THOP1: variants seen among roughly 807,000 people sequenced by gnomAD.
The protein encoded by THOP1 is thimet oligopeptidase.
A neutral mutation model predicts 71.8 loss-of-function variants in THOP1; 49 were observed. That is an observed-to-expected ratio of 0.68 (90% CI 0.54 to 0.87). The LOEUF (loss-of-function observed/expected upper bound fraction) is 0.87. Among genes scored for constraint, THOP1 ranks in the 40% least tolerant of loss-of-function variants. THOP1 has a pLI of 0.00. For missense variants in THOP1, 843 were observed against 975.6 expected, an observed-to-expected ratio of 0.86 and a Z score of 1.81; for synonymous variants, 426 against 421.5, an observed-to-expected ratio of 1.01 and a Z score of -0.13.
Position 2,805,780 on chromosome 19 carries a change from C to G in THOP1, c.750+604C>G, listed in dbSNP as rs999245549. On this transcript the variant is annotated intron_variant, in intron 6 of 12. Transcript: ENST00000307741. This position sits in a 1 kb window ranked among gnomAD's most constrained non-coding sequence, Gnocchi z 6.6. ...GCGGCTGGCAAAAGGGGGATACACG[C>G]TGATCACTGCAAAGGGATGGGCGGG... Among the ~76,000 whole-genome samples the G allele has an allele frequency of 4.6e-5, 7 of 152,012 alleles. No homozygotes were observed. The highest frequency in any genetic ancestry group is 1.7e-4 in the African/African-American group (7 of 41,382).
intron 5 of THOP1, among the ~76,000 whole-genome samples, chr19:2,802,024 C>T (rs947294955): frequency 4.0e-5 from 6 of 151,648 alleles, no homozygotes; most frequent in Non-Finnish European, 8.8e-5. Flanking sequence ...CCACATCTCC[C>T]GATACCGCTA....
chr19:2,788,427 A>G (rs1006566164), intron 1 of THOP1, among the ~76,000 whole-genome samples: 1 of 151,398 alleles, frequency 6.6e-6, no homozygotes, highest in Non-Finnish European at 1.5e-5. Context: ...TGCACTCAGG[A>G]TTGAAGTTCA....
chr19:2,806,949 G>A lies in THOP1; in HGVS notation c.783G>A (p.Thr261=), dbSNP rs200372786. 6.2e-6 allele frequency: 10 copies of A among 1,612,888 alleles called. No individual in the cohort carries two copies. In the Admixed American group the frequency reaches 1.0e-4, roughly 16 times the overall value. The part of the protein sequence containing the change: ...ENCAILKELV[T]LRAQKSRLLG... ...GCGCTATCCTCAAGGAGCTGGTGAC[G>A]CTGCGGGCCCAGAAGTCCCGCCTGC... Residue 261 remains threonine, a synonymous_variant, in exon 7 of 13, where the codon ACG becomes ACA. Coordinates refer to ENST00000307741, the MANE Select transcript of THOP1 (RefSeq NM_003249.5).
rs11557136 is a variant in THOP1 at position 2,813,458 on chromosome 19, C to G, written c.*182C>G. The G allele has an allele frequency of 2.7e-6, 2 of 740,820 alleles. No individual in the cohort carries two copies. Among genetic ancestry groups the G allele is most frequent in the East Asian group, 5.6e-5 (2 of 36,002 alleles). The allele number at this position is 740,820 out of a possible 1,614,324, so 45.9% of individuals were successfully genotyped here. ...TCGTGGCCCACCCGGCTAGAGACGG[C>G]GTCCTCAAGGCATCTGGAGGGCTTT... On this transcript the variant is annotated 3_prime_UTR_variant, in exon 13 of 13. Transcript: ENST00000307741.
intron 8 of THOP1, 183 bp downstream of exon 8, chr19:2,807,991 G>A (rs1368994297): frequency 1.2e-6 from 1 of 823,742 alleles, no homozygotes; most frequent in East Asian, 2.9e-5. Context: ...CCCGTTTCCA[G>A]TCTCACTCAG....
chr19:2,787,905 G>C (rs1011572593), intron 1 of THOP1, among the ~76,000 whole-genome samples: 3 of 152,196 alleles, frequency 2.0e-5, no homozygotes, highest in Non-Finnish European at 4.4e-5. Flanking sequence ...AGACACCCTG[G>C]TGCGTATTCC....
rs747410589 is a variant in THOP1, at chr19:2,810,361, T to C, written c.1513T>C (p.Ser505Pro). Residue 505 changes from serine to proline, a missense_variant, in exon 10 of 13, where the codon TCG becomes CCG. By Grantham distance (74) the Ser-to-Pro change is moderately conservative (BLOSUM62 -1). Coordinates refer to ENST00000307741, the MANE Select transcript of THOP1 (RefSeq NM_003249.5). ...HVERDFVEAP[S>P]QMLENWVWEQ... ...GGAGCGGGACTTTGTGGAGGCGCCGTCGCAGATGCTGGAGAACTGGGTGTG... is the reference window on the plus strand; with the variant it reads ...GGAGCGGGACTTTGTGGAGGCGCCGCCGCAGATGCTGGAGAACTGGGTGTG... 6.2e-7 allele frequency: 1 copy of C among 1,611,702 alleles called. No individual in the cohort carries two copies. Among genetic ancestry groups the C allele is most frequent in the Non-Finnish European group, 8.5e-7 (1 of 1,179,740 alleles).
In THOP1 at chr19:2,805,678, C is replaced by T. The variant is rs1487904402; in HGVS notation, c.750+502C>T. Among the ~76,000 whole-genome samples the T allele has an allele frequency of 6.6e-6, 1 of 152,108 alleles. No homozygotes were observed. The highest frequency in any genetic ancestry group is 6.6e-5 in the Admixed American group (1 of 15,262). ...CGGTCAGGTGGTCTCTGCACGTCTC[C>T]CATTCGCCATCTGGAACAGGCAGAG... On this transcript the variant is annotated intron_variant, in intron 6 of 12. Transcript: ENST00000307741. The surrounding 1 kb of genome is among the most constrained non-coding windows in gnomAD (Gnocchi z 6.6).
At chr19:2,790,782 G>C (rs554533400) in intron 2 of THOP1, 149 bp downstream of exon 2, 5 of 677,828 alleles carry the variant, frequency 7.4e-6, no homozygotes, top group Non-Finnish European at 1.1e-5. Context: ...AGCGCCACCT[G>C]CTCCCAGGCT....
At chr19:2,789,432 AGAGAGGCCCT>A (rs373060087) in intron 1 of THOP1, among the ~76,000 whole-genome samples, 1 of 152,268 alleles carries the variant, frequency 6.6e-6, no homozygotes, top group East Asian at 1.9e-4. Flanking sequence ...CCCGTTTCTC[AGAGAGGCCCT>A]GGTGTGAGTG....
At chr19:2,799,639 G>T (rs572046744) in intron 4 of THOP1, 50 bp from the exon 5 acceptor site, 1 of 1,498,982 alleles carries the variant, frequency 6.7e-7, no homozygotes, top group African/African-American at 1.4e-5. Flanking sequence ...GTCTCCCCGC[G>T]GAGCCCGCCC....
Position 2,805,819 on chromosome 19 carries a change from A to G in THOP1, c.750+643A>G, listed in dbSNP as rs1254859722. The stretch of plus-strand genomic sequence containing the variant: ...GGGATGGGCGGGCACTGATCACTGC[A>G]AGGGGACGGGCGGGTGCCCATCACT... On this transcript the variant is annotated intron_variant, in intron 6 of 12. Coordinates refer to ENST00000307741, the MANE Select transcript of THOP1 (RefSeq NM_003249.5). The surrounding 1 kb of genome is among the most constrained non-coding windows in gnomAD (Gnocchi z 6.6). Among the ~76,000 whole-genome samples, 2 of 150,566 alleles carry G rather than the reference A, an allele frequency of 1.3e-5. No individual in the cohort carries two copies. Among genetic ancestry groups the G allele is most frequent in the African/African-American group, 4.9e-5 (2 of 40,926 alleles).
At position 2,790,593 on chromosome 19, in the gene THOP1, C is replaced by T. The variant is rs1456072368; in HGVS notation, c.189C>T (p.Ser63=). ...AGTTTGAGGACGTGTCCTACGAGAG[C>T]ACGCTCAAGGCGCTGGCCGATGTGG... The part of the protein sequence containing the change: ...TQEFEDVSYE[S]TLKALADVEV... Residue 63 remains serine, a synonymous_variant, in exon 2 of 13, where the codon AGC becomes AGT. Transcript: ENST00000307741. The T allele has an allele frequency of 1.4e-5, 23 of 1,597,648 alleles. No homozygotes were observed. The Admixed American group carries it at 2.4e-4, about 17-fold the overall frequency.
chr19:2,804,938 C>A lies in THOP1; in HGVS notation c.590-78C>A. On this transcript the variant is annotated intron_variant, in intron 5 of 12. Transcript: ENST00000307741. This position sits in a 1 kb window ranked among gnomAD's most constrained non-coding sequence, Gnocchi z 4.7. ...TAGCTTTCCAGGCAGAGGGGAAGCC[C>A]ACCCCTTCCCTCACACGCTGTGTGC... 1 of 1,419,622 alleles carries A rather than the reference C, an allele frequency of 7.0e-7. No homozygotes were observed. 87.9% of individuals were successfully genotyped at this position (1,419,622 alleles called of 1,614,324 possible). A position where few individuals can be genotyped will look rare whatever the true frequency, so the allele number is the denominator to read the frequency against.
rs1916587403 is a variant in THOP1 at position 2,815,742 on chromosome 19, C to CT, written c.*2467dup. On this transcript the variant is annotated 3_prime_UTR_variant, in exon 13 of 13. Coordinates refer to ENST00000307741, the MANE Select transcript of THOP1 (RefSeq NM_003249.5). ...TCCCCTGCCCGTCCAGGTTGTCACT[C>CT]TCCTTGGCCCCTTGCTGCTCCCCAG... is the stretch of plus-strand genomic sequence containing the variant. 1 of 152,192 alleles carries CT rather than the reference C, an allele frequency of 6.6e-6. No individual in the cohort carries two copies. Among genetic ancestry groups the CT allele is most frequent in the African/African-American group, 2.4e-5 (1 of 41,422 alleles). The allele number at this position is 152,192 out of a possible 1,614,324, so 9.4% of individuals were successfully genotyped here.
Position 2,801,287 on chromosome 19 carries a change from T to C in THOP1, c.589+1496T>C, listed in dbSNP as rs1352582342. Among the ~76,000 whole-genome samples the C allele has an allele frequency of 1.3e-5, 2 of 152,230 alleles. No individual in the cohort carries two copies. Among genetic ancestry groups the C allele is most frequent in the Non-Finnish European group, 2.9e-5 (2 of 68,046 alleles). Reference sequence around the variant, plus strand: ...CACAGACTCTGCTGGCTCATGTGGGTTCCAGCCGGTTTCAGCCAGTTTTGT... The same window carrying C: ...CACAGACTCTGCTGGCTCATGTGGGCTCCAGCCGGTTTCAGCCAGTTTTGT... On this transcript the variant is annotated intron_variant, in intron 5 of 12. Coordinates refer to ENST00000307741, the MANE Select transcript of THOP1 (RefSeq NM_003249.5). The surrounding 1 kb of genome is among the most constrained non-coding windows in gnomAD (Gnocchi z 5.1).
Position 2,797,629 on chromosome 19 carries a change from G to A in THOP1, c.486+1441G>A, listed in dbSNP as rs138067337. Among the ~76,000 whole-genome samples, 202 of 152,354 alleles carry A rather than the reference G, an allele frequency of 1.3e-3. 1 individual carries two copies. Among genetic ancestry groups the A allele is most frequent in the East Asian group, 8.5e-3 (44 of 5,194 alleles). On this transcript the variant is annotated intron_variant, in intron 4 of 12. Transcript: ENST00000307741. ...TGGGCTGCTGTGAGTTCCTGAGCAC[G>A]CTTAAGACAGGCCAGGTTAAGCTGT...
In THOP1 at chr19:2,800,082, G is replaced by T. The variant is rs146647254; in HGVS notation, c.589+291G>T. ...CCTGGCAGTGGCGGAAGCCCAGGCC[G>T]GACGGGGTGGCCAAGGGTGCCAGTC... On this transcript the variant is annotated intron_variant, in intron 5 of 12. Coordinates refer to ENST00000307741, the MANE Select transcript of THOP1 (RefSeq NM_003249.5). 6.7e-3 allele frequency among the ~76,000 whole-genome samples: 1,023 copies of T among 152,364 alleles called. 16 individuals carry two copies. Among genetic ancestry groups the T allele is most frequent in the African/African-American group, 0.023 (967 of 41,580 alleles).
intron 7 of THOP1, 33 bp downstream of exon 7, chr19:2,807,085 T>C (rs1279870913): frequency 1.9e-6 from 3 of 1,588,818 alleles, no homozygotes; most frequent in South Asian, 2.2e-5. Flanking sequence ...CTGGGGTCCC[T>C]GTGGGGAAGG....
Sources: allele counts gnomAD v4.1 joint callset (sites outside exome capture counted in the v4.1 genomes callset), GRCh38; gene constraint gnomAD v4.1.1; non-coding constraint Gnocchi (gnomAD v3.1); transcripts MANE v1.5; gene names NCBI Gene and HGNC (gene_info 2026-07-23, HGNC 2026-07-21).